Variants in ARMC1 observed in about 807,000 individuals in gnomAD.
The protein encoded by ARMC1 is armadillo repeat containing 1.
In ARMC1, 16 loss-of-function variants were observed where a neutral mutation model predicts 31.4. The observed-to-expected ratio is 0.51, with a 90% CI of 0.34 to 0.77. ARMC1 has a LOEUF of 0.77. Among genes scored for constraint, ARMC1 ranks in the 30% least tolerant of loss-of-function variants. The pLI is 0.01. For synonymous variants in ARMC1, 114 were observed against 118.9 expected, an observed-to-expected ratio of 0.96 and a Z score of 0.27; for missense variants, 259 against 347.5, an observed-to-expected ratio of 0.75 and a Z score of 2.02.
At chr8:65,617,740 C>T (rs186322787) in intron 3 of ARMC1, among the ~76,000 whole-genome samples, 131 of 152,106 alleles carry the variant, frequency 8.6e-4, no homozygotes, top group Middle Eastern at 3.4e-3. Context: ...GCTCACTCTC[C>T]GGGTGACAGG....
At chr8:65,614,816 C>CA (rs1359140879) in intron 3 of ARMC1, among the ~76,000 whole-genome samples, 2 of 152,112 alleles carry the variant, frequency 1.3e-5, no homozygotes, top group Non-Finnish European at 2.9e-5. Context: ...GCAGGCTTTC[C>CA]AACTCTTATT....
chr8:65,623,889 C>A (rs1318798421), intron 2 of ARMC1, among the ~76,000 whole-genome samples: 1 of 147,970 alleles, frequency 6.8e-6, no homozygotes, highest in Non-Finnish European at 1.5e-5. Flanking sequence ...CCTCCACCCC[C>A]CGAGTTCAAG....
At chr8:65,632,436 AC>A (rs1808665558) in intron 1 of ARMC1, among the ~76,000 whole-genome samples, 1 of 151,678 alleles carries the variant, frequency 6.6e-6, no homozygotes, top group Non-Finnish European at 1.5e-5. Flanking sequence ...ACACAGTAAA[AC>A]CCCGTCTCTA....
intron 4 of ARMC1, among the ~76,000 whole-genome samples, chr8:65,609,927 T>C (rs890065675): frequency 6.6e-6 from 1 of 150,986 alleles, no homozygotes; most frequent in African/African-American, 2.4e-5. Context: ...CTACCTGGCA[T>C]TGCTAAAGAG....
intron 2 of ARMC1, among the ~76,000 whole-genome samples, chr8:65,622,938 G>A (rs546768967): frequency 6.6e-6 from 1 of 151,410 alleles, no homozygotes; most frequent in African/African-American, 2.4e-5. Context: ...CACGGGAGGC[G>A]GAGGTTGCAG....
intron 1 of ARMC1, chr8:65,633,084 T>G (rs1037235173): frequency 1.3e-5 from 2 of 152,218 alleles, no homozygotes; most frequent in African/African-American, 4.8e-5. Context: ...CCTATGCTAC[T>G]TGTCACACTC....
chr8:65,615,674 G>A (rs145783991), intron 3 of ARMC1, among the ~76,000 whole-genome samples: 18 of 151,946 alleles, frequency 1.2e-4, no homozygotes, highest in South Asian at 6.2e-4. Context: ...ACGACTGCAC[G>A]CCAGCCTGGG....
intron 2 of ARMC1, 22 bp downstream of exon 2, chr8:65,627,194 G>A (rs761333612): frequency 3.9e-6 from 6 of 1,524,280 alleles, no homozygotes; most frequent in Non-Finnish European, 5.3e-6. Flanking sequence ...AACAGAGATT[G>A]AAATTACTAA....
intron 3 of ARMC1, among the ~76,000 whole-genome samples, chr8:65,617,160 G>T (rs1225665270): frequency 6.6e-6 from 1 of 152,264 alleles, no homozygotes; most frequent in Non-Finnish European, 1.5e-5. Flanking sequence ...TGATGACGAT[G>T]GCGGTTTTGT....
chr8:65,633,719 C>G (rs565774200), intron 1 of ARMC1: 1 of 152,370 alleles, frequency 6.6e-6, no homozygotes, highest in African/African-American at 2.4e-5. Flanking sequence ...AAAGAATAAC[C>G]TGGAGAGATG....
intron 4 of ARMC1, among the ~76,000 whole-genome samples, 165 bp from the exon 5 acceptor site, chr8:65,605,703 A>T (rs1480129309): frequency 1.3e-5 from 2 of 152,218 alleles, no homozygotes; most frequent in Non-Finnish European, 1.5e-5. Flanking sequence ...CAAATTTTTT[A>T]AATTTTACAG....
At chr8:65,612,557 C>T (rs1808164204) in intron 4 of ARMC1, among the ~76,000 whole-genome samples, 1 of 152,066 alleles carries the variant, frequency 6.6e-6, no homozygotes, top group African/African-American at 2.4e-5. Context: ...AATTTGCATT[C>T]ACTGTGCTCA....
intron 4 of ARMC1, among the ~76,000 whole-genome samples, chr8:65,609,160 A>C (rs763075027): frequency 7.3e-6 from 1 of 136,268 alleles, no homozygotes; most frequent in Non-Finnish European, 1.6e-5. Flanking sequence ...TTGAGACGGA[A>C]TCTCGCTATG....
At chr8:65,623,621 C>T (rs1030669224) in intron 2 of ARMC1, among the ~76,000 whole-genome samples, 2 of 151,392 alleles carry the variant, frequency 1.3e-5, no homozygotes. Flanking sequence ...AACAAAACAA[C>T]CAAAAAAAAC....
intron 4 of ARMC1, among the ~76,000 whole-genome samples, chr8:65,610,643 C>T (rs1330279454): frequency 2.6e-5 from 4 of 151,776 alleles, no homozygotes; most frequent in African/African-American, 7.2e-5. Flanking sequence ...TGCAGCGAGC[C>T]GAGATTGTGC....
intron 4 of ARMC1, among the ~76,000 whole-genome samples, chr8:65,612,637 C>T (rs1326986856): frequency 2.0e-5 from 3 of 151,412 alleles, no homozygotes; most frequent in Non-Finnish European, 4.4e-5. Context: ...CTGAGGCAGG[C>T]GGACCACCTG....
chr8:65,610,275 C>T (rs1808104866), intron 4 of ARMC1, among the ~76,000 whole-genome samples: 1 of 151,704 alleles, frequency 6.6e-6, no homozygotes, highest in African/African-American at 2.4e-5. Flanking sequence ...TTTTTTGTAT[C>T]TTTAGTAGAG....
At chr8:65,605,589 A>G in intron 4 of ARMC1, 51 bp from the exon 5 acceptor site, 1 of 1,300,046 alleles carries the variant, frequency 7.7e-7, no homozygotes, top group South Asian at 1.2e-5. Flanking sequence ...AAAAGGTAAT[A>G]AATCAGTGAA....
intron 1 of ARMC1, among the ~76,000 whole-genome samples, chr8:65,629,198 C>T (rs1808582959): frequency 6.6e-6 from 1 of 151,000 alleles, no homozygotes; most frequent in South Asian, 2.1e-4. Flanking sequence ...TATACATACA[C>T]AATGACACAA....
Sources: gnomAD v4.1 joint callset for allele counts (sites outside exome capture counted in the v4.1 genomes callset) on GRCh38, gnomAD v4.1.1 for gene constraint, MANE v1.5 for transcripts, NCBI Gene and HGNC (gene_info 2026-07-23, HGNC 2026-07-21) for gene names.